The following RERE variants were observed in gnomAD, a reference collection of about 807,000 sequenced individuals.
The protein encoded by RERE is arginine-glutamic acid dipeptide repeats.
RERE carries 40 observed loss-of-function variants against 146.1 expected under a neutral mutation model. That is an observed-to-expected ratio of 0.27 (90% CI 0.21 to 0.36). The LOEUF (loss-of-function observed/expected upper bound fraction) is 0.36. Ranked by LOEUF, RERE falls within the 10% of genes least tolerant of loss-of-function variation. The pLI is 1.00. For synonymous variants in RERE, 1,003 were observed against 866.0 expected (o/e 1.16, Z -2.78); for missense variants, 1,933 against 2,138.7 (o/e 0.90, Z 1.90).
chr1:8,541,393 G>T, intron 6 of RERE, 75 bp from the exon 7 acceptor site: 1 of 845,086 alleles, frequency 1.2e-6, no homozygotes, highest in Non-Finnish European at 2.0e-6. Context: ...GGGGAAGGGT[G>T]GAGGAAGCAC....
chr1:8,372,140 A>G (rs781580073), intron 12 of RERE, among the ~76,000 whole-genome samples: 12 of 152,268 alleles, frequency 7.9e-5, no homozygotes, highest in East Asian at 3.9e-4. Flanking sequence ...GTTGAAGAAG[A>G]AGGCACTGGA....
intron 6 of RERE, among the ~76,000 whole-genome samples, chr1:8,550,592 G>A (rs920964783): frequency 1.3e-5 from 2 of 152,122 alleles, no homozygotes; most frequent in African/African-American, 4.8e-5. Context: ...TGTCACCCAG[G>A]CTGGAGTGCA....
intron 10 of RERE, among the ~76,000 whole-genome samples, chr1:8,480,438 A>AT (rs774790710): frequency 3.3e-3 from 359 of 108,884 alleles, no homozygotes; most frequent in Admixed American, 7.5e-3. Context: ...AGGCCCGGAA[A>AT]TTTTTTTTTT....
In RERE at chr1:8,358,488, C is replaced by T; in HGVS notation, c.4047G>A (p.Arg1349=). 1 of 1,586,436 alleles carries T rather than the reference C, an allele frequency of 6.3e-7. No individual in the cohort carries two copies. Among genetic ancestry groups the T allele is most frequent in the Non-Finnish European group, 8.6e-7 (1 of 1,166,058 alleles). The change falls in exon 20 of 23, where the codon CGG becomes CGA. Residue 1349 remains arginine (R), a synonymous_variant. Coordinates refer to ENST00000400908, the MANE Select transcript of RERE (RefSeq NM_001042681.2). ...PAANPMEHFA[R]HSALTIPPTA... ...TCGGGGGGATGGTGAGGGCGCTGTG[C>T]CGGGCAAAGTGCTCCATGGGGTTGG...
chr1:8,796,998 A>G (rs910959571), intron 1 of RERE, among the ~76,000 whole-genome samples: 2 of 152,120 alleles, frequency 1.3e-5, no homozygotes, highest in Admixed American at 1.3e-4. Context: ...GTAATCATCC[A>G]TGGGCAACAG....
At position 8,656,417 on chromosome 1, in the gene RERE, C is replaced by G; in HGVS notation, c.-120G>C. On this transcript the variant is annotated 5_prime_UTR_variant, in exon 2 of 23. Transcript: ENST00000400908. ...AATTCCAGGGAAAATCCAACCACTC[C>G]AACAACCCCAACGTTTCAAAAATGC... 2 of 1,306,020 alleles carry G rather than the reference C, an allele frequency of 1.5e-6. No homozygotes were observed. Among genetic ancestry groups the G allele is most frequent in the Non-Finnish European group, 2.1e-6 (2 of 953,282 alleles). 80.9% of individuals were successfully genotyped at this position (1,306,020 alleles called of 1,614,324 possible). A position where few individuals can be genotyped will look rare whatever the true frequency, so the allele number is the denominator to read the frequency against.
rs1646021441 is a variant in RERE at position 8,557,470 on chromosome 1, C to T, written c.576G>A (p.Glu192=). 6.2e-7 allele frequency: 1 copy of T among 1,613,672 alleles called. No individual in the cohort carries two copies. The highest frequency in any genetic ancestry group is 1.3e-5 in the African/African-American group (1 of 75,042). The part of the protein sequence containing the change: ...MNVKWYYRQS[E]VPDSVYQHLV... ...AATGCTGATACACAGAATCTGGAAC[C>T]TCAGATTGACGGTAGTACCATTTGA... The change falls in exon 5 of 23, where the codon GAG becomes GAA. Residue 192 remains glutamate, a synonymous_variant. Transcript: ENST00000400908.
intron 1 of RERE, among the ~76,000 whole-genome samples, chr1:8,816,464 TTC>T (rs1569855114): frequency 1.3e-5 from 2 of 152,212 alleles, no homozygotes; most frequent in African/African-American, 2.4e-5. Context: ...CAATGAATCA[TTC>T]TGTTTTCCTT....
chr1:8,616,786 C>A (rs1646856979), intron 3 of RERE, among the ~76,000 whole-genome samples: 1 of 152,188 alleles, frequency 6.6e-6, no homozygotes, highest in African/African-American at 2.4e-5. Flanking sequence ...GTGCCCAACC[C>A]TGACTGGCAG....
At chr1:8,780,300 G>A (rs556379658) in intron 1 of RERE, among the ~76,000 whole-genome samples, 29 of 152,210 alleles carry the variant, frequency 1.9e-4, no homozygotes, top group African/African-American at 6.0e-4. Context: ...ACATTACAGC[G>A]AGTACATGCC....
chr1:8,750,765 G>A (rs963981933), intron 1 of RERE: 10 of 786,336 alleles, frequency 1.3e-5, no homozygotes, highest in East Asian at 2.4e-5. Flanking sequence ...CAGCTTCTTC[G>A]CCTTTATCAA....
At chr1:8,579,456 C>A (rs567103620) in intron 4 of RERE, among the ~76,000 whole-genome samples, 11 of 152,200 alleles carry the variant, frequency 7.2e-5, no homozygotes, top group African/African-American at 2.4e-4. Flanking sequence ...GATAGGCTAA[C>A]AAGAAAAACT....
intron 10 of RERE, among the ~76,000 whole-genome samples, chr1:8,489,041 C>A (rs1277612035): frequency 2.0e-5 from 3 of 151,888 alleles, no homozygotes; most frequent in Admixed American, 6.6e-5. Flanking sequence ...ATATTAAAGT[C>A]AACATTAAGG....
intron 6 of RERE, 59 bp downstream of exon 6, chr1:8,556,416 C>A: frequency 2.0e-6 from 2 of 986,048 alleles, no homozygotes; most frequent in Admixed American, 3.5e-5. Context: ...AAATTACTCT[C>A]CACCTCCTGC....
At position 8,362,836 on chromosome 1, in the gene RERE, T is replaced by G; in HGVS notation, c.1749A>C (p.Thr583=). Residue 583 remains threonine, a synonymous_variant, in exon 16 of 23, where the codon ACA becomes ACC. Transcript: ENST00000400908. The part of the protein sequence containing the change: ...RTRRSRGSMS[T]LRSGRKKQPA... ...GCTGCTTCTTCCGACCACTGCGTAG[T>G]GTCGACATCTGCCCACCCAAACCGA... 1 of 1,611,222 alleles carries G rather than the reference T, an allele frequency of 6.2e-7. No homozygotes were observed. The highest frequency in any genetic ancestry group is 8.5e-7 in the Non-Finnish European group (1 of 1,178,368).
rs58064164 is a variant in RERE, at chr1:8,516,227, G to GAAAAAAAAAAAAAAAAAAAAAAAAAA, written c.831-7553_831-7552insTTTTTTTTTTTTTTTTTTTTTTTTTT. On this transcript the variant is annotated intron_variant, in intron 7 of 22. Coordinates refer to ENST00000400908, the MANE Select transcript of RERE (RefSeq NM_001042681.2). ...GGGACGGAGCAAGACTCTCTCAGAG[G>GAAAAAAAAAAAAAAAAAAAAAAAAAA]AAAAAAAAAAAAAAAAAAAAAATCT... is the stretch of plus-strand genomic sequence containing the variant. Among the ~76,000 whole-genome samples, 17 of 52,300 alleles carry GAAAAAAAAAAAAAAAAAAAAAAAAAA rather than the reference G, an allele frequency of 3.3e-4. 1 individual carries two copies. The highest frequency in any genetic ancestry group is 3.6e-4 in the Non-Finnish European group (11 of 30,644). 34.3% of individuals were successfully genotyped at this position (52,300 alleles called of 152,430 possible).
chr1:8,804,476 T>G (rs1035072707), intron 1 of RERE, among the ~76,000 whole-genome samples: 4 of 152,204 alleles, frequency 2.6e-5, no homozygotes, highest in African/African-American at 7.2e-5. Context: ...CCAGATGTAG[T>G]GCAATACTGA....
intron 1 of RERE, among the ~76,000 whole-genome samples, chr1:8,684,381 G>T (rs1639039184): frequency 6.6e-6 from 1 of 151,764 alleles, no homozygotes; most frequent in South Asian, 2.1e-4. Context: ...CATAAAAGAA[G>T]AAATAATTTA....
intron 2 of RERE, among the ~76,000 whole-genome samples, chr1:8,645,863 T>C (rs990599518): frequency 1.3e-5 from 2 of 152,216 alleles, no homozygotes; most frequent in African/African-American, 4.8e-5. Flanking sequence ...ACGTGGAATT[T>C]GAATAACTTC....
Sources: gnomAD v4.1 joint callset for allele counts (sites outside exome capture counted in the v4.1 genomes callset) on GRCh38, gnomAD v4.1.1 for gene constraint, MANE v1.5 for transcripts, NCBI Gene and HGNC (gene_info 2026-07-23, HGNC 2026-07-21) for gene names.